The following COL22A1 variants were observed in gnomAD, a reference collection of about 807,000 sequenced individuals.
COL22A1 encodes the protein collagen alpha-1(XXII) chain.
In COL22A1, 221 loss-of-function variants were observed where a neutral mutation model predicts 248.9. The observed-to-expected ratio is 0.89, with a 90% CI of 0.80 to 0.99. The LOEUF (loss-of-function observed/expected upper bound fraction) is 0.99. Among genes scored for constraint, COL22A1 ranks in the 50% least tolerant of loss-of-function variants. The pLI is 0.00. For synonymous variants in COL22A1, 891 were observed against 793.4 expected, an observed-to-expected ratio of 1.12 and a Z score of -2.07; for missense variants, 2,240 against 2,179.0, an observed-to-expected ratio of 1.03 and a Z score of -0.56.
chr8:138,750,819 T>A (rs1832530736), intron 22 of COL22A1, among the ~76,000 whole-genome samples: 1 of 152,202 alleles, frequency 6.6e-6, no homozygotes, highest in South Asian at 2.1e-4. Flanking sequence ...TGGTGGGAAC[T>A]GGGGACACAG....
At chr8:138,599,023 G>T in intron 60 of COL22A1, 125 bp from the exon 61 acceptor site, 1 of 952,182 alleles carries the variant, frequency 1.1e-6, no homozygotes. Context: ...GCCCTGGGTG[G>T]CCCATGTGTG....
chr8:138,821,175 A>T lies in COL22A1; in HGVS notation c.1206T>A (p.Thr402=). ...TGTCGTAGAGGCGCTTGCCAATCACAGTCTTGCCCTGGATGTCAATGTTCT... is the reference window on the plus strand; with the variant it reads ...TGTCGTAGAGGCGCTTGCCAATCACTGTCTTGCCCTGGATGTCAATGTTCT... ...ERENIDIQGK[T]VIGKRLYDSV... The change falls in exon 7 of 65, where the codon ACT becomes ACA. Residue 402 remains threonine, a synonymous_variant. Coordinates refer to ENST00000303045, the MANE Select transcript of COL22A1 (RefSeq NM_152888.3). 7 of 1,614,102 alleles carry T rather than the reference A, an allele frequency of 4.3e-6. No homozygotes were observed. Among genetic ancestry groups the T allele is most frequent in the Non-Finnish European group, 1.7e-6 (2 of 1,179,976 alleles).
At chr8:138,672,233 G>T (rs2130777073) in intron 41 of COL22A1, among the ~76,000 whole-genome samples, 1 of 152,244 alleles carries the variant, frequency 6.6e-6, no homozygotes, top group African/African-American at 2.4e-5. Flanking sequence ...AAGAAAAGTG[G>T]AATCCACCTG....
intron 3 of COL22A1, among the ~76,000 whole-genome samples, chr8:138,870,684 G>C (rs1318710684): frequency 6.6e-6 from 1 of 151,910 alleles, no homozygotes; most frequent in East Asian, 1.9e-4. Flanking sequence ...TTTGCATGTG[G>C]TGTGTGGTGC....
chr8:138,677,903 C>T lies in COL22A1; in HGVS notation c.3073-1268G>A, dbSNP rs554771784. Among the ~76,000 whole-genome samples, 7 of 152,252 alleles carry T rather than the reference C, an allele frequency of 4.6e-5. No individual in the cohort carries two copies. In the East Asian group the frequency reaches 9.7e-4, roughly 21 times the overall value. ...TTAATACCTCTGGAATGAGTTAACT[C>T]GTATGACAAACGGAAACAGCCTCAG... On this transcript the variant is annotated intron_variant, in intron 40 of 64. Transcript: ENST00000303045.
At chr8:138,731,647 T>TGAGAGA (rs144710737) in intron 23 of COL22A1, among the ~76,000 whole-genome samples, 9 of 150,584 alleles carry the variant, frequency 6.0e-5, no homozygotes, top group African/African-American at 2.2e-4. Flanking sequence ...CTACAGGGCC[T>TGAGAGA]GAGAGAGAGA....
chr8:138,761,664 A>T (rs1833496173), intron 17 of COL22A1, among the ~76,000 whole-genome samples: 1 of 152,128 alleles, frequency 6.6e-6, no homozygotes, highest in South Asian at 2.1e-4. Flanking sequence ...TATGCAACAT[A>T]GTATTTTACT....
intron 3 of COL22A1, among the ~76,000 whole-genome samples, chr8:138,868,616 G>A (rs1823079093): frequency 6.6e-6 from 1 of 152,128 alleles, no homozygotes; most frequent in Admixed American, 6.5e-5. Context: ...CATCATGTGT[G>A]TAAATGTATA....
chr8:138,806,055 GGTGTGTGGTGGT>G (rs762562832), intron 10 of COL22A1, among the ~76,000 whole-genome samples: 467 of 7,182 alleles, frequency 0.065, 19 homozygotes, highest in Middle Eastern at 0.12. Context: ...TGTAGGTAAT[GGTGTGTGGTGGT>G]GTGTGTGATG....
chr8:138,812,167 C>T lies in COL22A1; in HGVS notation c.1327-246G>A, dbSNP rs368964305. On this transcript the variant is annotated intron_variant, in intron 8 of 64. Coordinates refer to ENST00000303045, the MANE Select transcript of COL22A1 (RefSeq NM_152888.3). Reference sequence around the variant, plus strand: ...CACCTCGCAAGTGCTCAACAGTTCCCGCTGTCCCTATTCTCACCTCCTCCT... The same window carrying T: ...CACCTCGCAAGTGCTCAACAGTTCCTGCTGTCCCTATTCTCACCTCCTCCT... 1.0e-3 allele frequency among the ~76,000 whole-genome samples: 153 copies of T among 152,330 alleles called. 3 individuals are homozygous for T. In the South Asian group the frequency reaches 0.03, roughly 29 times the overall value.
At chr8:138,713,265 T>C (rs1370525195) in intron 30 of COL22A1, among the ~76,000 whole-genome samples, 2 of 152,018 alleles carry the variant, frequency 1.3e-5, no homozygotes, top group Non-Finnish European at 2.9e-5. Context: ...TGCTTTAGCC[T>C]GGAGTCAGCA....
intron 1 of COL22A1, among the ~76,000 whole-genome samples, chr8:138,907,782 T>A (rs1815135184): frequency 1.3e-5 from 2 of 152,178 alleles, no homozygotes; most frequent in Non-Finnish European, 2.9e-5. Context: ...GAAGCACGCA[T>A]GTAAAACAGA....
At chr8:138,830,838 A>G (rs1310072929) in intron 5 of COL22A1, among the ~76,000 whole-genome samples, 2 of 152,300 alleles carry the variant, frequency 1.3e-5, no homozygotes, top group Non-Finnish European at 1.5e-5. Context: ...ATATTAGGCA[A>G]AGAAGTGAGG....
chr8:138,627,653 G>T (rs1255521662), intron 50 of COL22A1, among the ~76,000 whole-genome samples: 5 of 152,052 alleles, frequency 3.3e-5, no homozygotes, highest in Non-Finnish European at 7.4e-5. Context: ...ACCTCCACTT[G>T]ACCAATCCCC....
chr8:138,731,293 C>T (rs956618524), intron 23 of COL22A1, among the ~76,000 whole-genome samples: 2 of 152,038 alleles, frequency 1.3e-5, no homozygotes, highest in Non-Finnish European at 2.9e-5. Context: ...AAGAGCAAAA[C>T]TCCGTCTCAA....
At chr8:138,823,723 A>G (rs1314928376) in intron 6 of COL22A1, among the ~76,000 whole-genome samples, 1 of 152,200 alleles carries the variant, frequency 6.6e-6, no homozygotes, top group East Asian at 1.9e-4. Context: ...GACTTTTTTC[A>G]TAGCACAGCA....
At chr8:138,882,688 CCACA>C (rs1009474162) in intron 2 of COL22A1, among the ~76,000 whole-genome samples, 6 of 148,916 alleles carry the variant, frequency 4.0e-5, no homozygotes, top group Admixed American at 4.0e-4. Flanking sequence ...CCATACACTC[CCACA>C]CACTTTGTCA....
rs145774608 is a variant in COL22A1, at chr8:138,591,070, C to T, written c.4693+354G>A. The stretch of plus-strand genomic sequence containing the variant: ...CATTTTTTAATGCGAGAGTCCTTAG[C>T]ACTTACAATAGTGAATGTGCACCAG... On this transcript the variant is annotated intron_variant, in intron 64 of 64. Transcript: ENST00000303045. Among the ~76,000 whole-genome samples the T allele has an allele frequency of 5.5e-3, 844 of 152,296 alleles. 9 individuals are homozygous for T. Among genetic ancestry groups the T allele is most frequent in the African/African-American group, 0.018 (760 of 41,562 alleles).
At chr8:138,666,331 G>T (rs962031767) in intron 41 of COL22A1, among the ~76,000 whole-genome samples, 2 of 152,144 alleles carry the variant, frequency 1.3e-5, no homozygotes, top group African/African-American at 4.8e-5. Flanking sequence ...CCAGCTATTG[G>T]TCTATATGCC....
Sources: gnomAD v4.1 joint callset for allele counts (sites outside exome capture counted in the v4.1 genomes callset) on GRCh38, gnomAD v4.1.1 for gene constraint, MANE v1.5 for transcripts, NCBI Gene and HGNC (gene_info 2026-07-23, HGNC 2026-07-21) for gene names.